Variants in BARD1 observed in about 807,000 individuals in gnomAD.
The protein encoded by BARD1 is BRCA1-associated RING domain protein 1.
A neutral mutation model predicts 77.0 loss-of-function variants in BARD1; 73 were observed. The ratio of observed to expected loss-of-function variants is 0.95; its 90% CI spans 0.79 to 1.15. The LOEUF is 1.15. BARD1 is among the 50% of genes most tolerant of loss of function. BARD1 has a pLI of 0.00. For missense variants in BARD1, 993 were observed against 938.8 expected, an observed-to-expected ratio of 1.06 and a Z score of -0.75; for synonymous variants, 384 against 338.0, an observed-to-expected ratio of 1.14 and a Z score of -1.49.
At chr2:214,788,095 C>T (rs1695352860) in intron 3 of BARD1, among the ~76,000 whole-genome samples, 1 of 151,860 alleles carries the variant, frequency 6.6e-6, no homozygotes, top group African/African-American at 2.4e-5. Context: ...ATATATGAAA[C>T]ACTATGTAAT....
At chr2:214,753,556 T>A (rs1189891523) in intron 6 of BARD1, among the ~76,000 whole-genome samples, 1 of 152,094 alleles carries the variant, frequency 6.6e-6, no homozygotes, top group Non-Finnish European at 1.5e-5. Flanking sequence ...ATTCTGTAAA[T>A]TGTATCAAAT....
At chr2:214,809,310 G>C in intron 1 of BARD1, 102 bp downstream of exon 1, 2 of 1,518,424 alleles carry the variant, frequency 1.3e-6, no homozygotes, top group Non-Finnish European at 1.8e-6. Context: ...ACTGCAGCGC[G>C]GGAACGGAAG....
In BARD1 at chr2:214,750,510, C is replaced by T. The variant is rs548901219; in HGVS notation, c.1677+1937G>A. On this transcript the variant is annotated intron_variant, in intron 7 of 10. Coordinates refer to ENST00000260947, the MANE Select transcript of BARD1 (RefSeq NM_000465.4). ...CCTCCTTGTCTCTGAGCAGCTGTTC[C>T]TTAGATTTGGGCTGCCATTCTCACT... 5.9e-5 allele frequency among the ~76,000 whole-genome samples: 9 copies of T among 152,264 alleles called. No individual in the cohort carries two copies. The East Asian group carries it at 1.4e-3, about 23-fold the overall frequency.
chr2:214,762,730 C>T (rs1000333251), intron 6 of BARD1, among the ~76,000 whole-genome samples: 1 of 152,168 alleles, frequency 6.6e-6, no homozygotes, highest in South Asian at 2.1e-4. Flanking sequence ...TATATACTTA[C>T]CAATTTCAAT....
In BARD1 at chr2:214,751,105, GTGTGTGTGTGTGTA is replaced by G. The variant is rs1234394492; in HGVS notation, c.1677+1328_1677+1341del. On this transcript the variant is annotated intron_variant, in intron 7 of 10. Transcript: ENST00000260947. The stretch of plus-strand genomic sequence containing the variant: ...TGTGTGTGTGTGTGTGTGTGTGTGT[GTGTGTGTGTGTGTA>G]TATATATATATATATATATATATAT... 2.5e-3 allele frequency among the ~76,000 whole-genome samples: 25 copies of G among 9,984 alleles called. 6 individuals carry two copies. Among genetic ancestry groups the G allele is most frequent in the South Asian group, 8.5e-3 (2 of 236 alleles). 6.5% of individuals were successfully genotyped at this position (9,984 alleles called of 152,430 possible).
At chr2:214,755,246 C>T (rs942131700) in intron 6 of BARD1, among the ~76,000 whole-genome samples, 1 of 152,052 alleles carries the variant, frequency 6.6e-6, no homozygotes, top group Non-Finnish European at 1.5e-5. Context: ...CATCACTATA[C>T]AAGGGAAGAA....
intron 2 of BARD1, among the ~76,000 whole-genome samples, chr2:214,795,593 C>T (rs1695722970): frequency 6.6e-6 from 1 of 151,968 alleles, no homozygotes; most frequent in Non-Finnish European, 1.5e-5. Context: ...CAGCTATGAA[C>T]CTATCACAAT....
rs1228336108 is a variant in BARD1 at position 214,727,402 on chromosome 2, G to A, written c.*1274C>T. On this transcript the variant is annotated 3_prime_UTR_variant, in exon 11 of 11. Coordinates refer to ENST00000260947, the MANE Select transcript of BARD1 (RefSeq NM_000465.4). ...TGTTCATGAGGAACCAAACTGGCAAGTCTCTCAGTGTCTCCTTCCCCAAGT... is the reference window on the plus strand; with the variant it reads ...TGTTCATGAGGAACCAAACTGGCAAATCTCTCAGTGTCTCCTTCCCCAAGT... 2 of 231,938 alleles carry A rather than the reference G, an allele frequency of 8.6e-6. No individual in the cohort carries two copies. The highest frequency in any genetic ancestry group is 8.5e-6 in the Non-Finnish European group (1 of 117,326). The allele number at this position is 231,938 out of a possible 1,614,324, so 14.4% of individuals were successfully genotyped here.
Position 214,781,373 on chromosome 2 carries a change from A to G in BARD1, c.501T>C (p.Pro167=). 6.2e-7 allele frequency: 1 copy of G among 1,613,714 alleles called. No individual in the cohort carries two copies. The highest frequency in any genetic ancestry group is 2.2e-5 in the East Asian group (1 of 44,860). ...VVSKASVQTQ[P]AIKKDASAQQ... ...GAGCACTTGCATCTTTTTTTATTGC[A>G]GGCTGGGTTTGCACTGAAGCTTTAC... The change falls in exon 4 of 11, where the codon CCT becomes CCC. Residue 167 remains proline (P), a synonymous_variant. Coordinates refer to ENST00000260947, the MANE Select transcript of BARD1 (RefSeq NM_000465.4).
chr2:214,764,336 G>A (rs961792672), intron 6 of BARD1, among the ~76,000 whole-genome samples: 4 of 152,166 alleles, frequency 2.6e-5, no homozygotes, highest in Non-Finnish European at 5.9e-5. Context: ...GAGAAGGGAG[G>A]AAACAGTAAG....
At chr2:214,738,104 A>T (rs1692646330) in intron 9 of BARD1, among the ~76,000 whole-genome samples, 1 of 152,176 alleles carries the variant, frequency 6.6e-6, no homozygotes, top group Non-Finnish European at 1.5e-5. Context: ...TCAAGCCACT[A>T]ACCTTATAAA....
intron 9 of BARD1, among the ~76,000 whole-genome samples, chr2:214,743,307 T>C (rs867775912): frequency 3.3e-5 from 5 of 152,230 alleles, no homozygotes; most frequent in Admixed American, 1.3e-4. Flanking sequence ...TCAGGCATTC[T>C]ACCATAAAAC....
chr2:214,806,630 T>C lies in BARD1; in HGVS notation c.158+2782A>G, dbSNP rs372185942. On this transcript the variant is annotated intron_variant, in intron 1 of 10. Coordinates refer to ENST00000260947, the MANE Select transcript of BARD1 (RefSeq NM_000465.4). ...GGCTCACGCCTGTAATCCCAGCACT[T>C]TGGGAGGCTGAAGTGGGCGGATCAC... Among the ~76,000 whole-genome samples, 12 of 152,026 alleles carry C rather than the reference T, an allele frequency of 7.9e-5. No individual in the cohort carries two copies. In the South Asian group the frequency reaches 2.3e-3, roughly 29 times the overall value.
Position 214,745,307 on chromosome 2 carries a change from T to C in BARD1, c.1811-148A>G, listed in dbSNP as rs1693051724. ...TTACACTTAAGTGTAAGACTACTTC[T>C]ATTTAGTATCTAGTTCTCTAACCTG... On this transcript the variant is annotated intron_variant, in intron 8 of 10. Coordinates refer to ENST00000260947, the MANE Select transcript of BARD1 (RefSeq NM_000465.4). The C allele has an allele frequency of 1.1e-5, 8 of 696,146 alleles. No individual in the cohort carries two copies. The East Asian group carries it at 2.2e-4, about 19-fold the overall frequency. The allele number at this position is 696,146 out of a possible 1,614,324, so 43.1% of individuals were successfully genotyped here.
intron 5 of BARD1, 63 bp downstream of exon 5, chr2:214,769,169 A>T: frequency 2.1e-6 from 3 of 1,402,356 alleles, no homozygotes; most frequent in Non-Finnish European, 3.0e-6. Context: ...AGACAACTAC[A>T]TAACTATAAA....
intron 9 of BARD1, 25 bp from the exon 10 acceptor site, chr2:214,730,533 C>T (rs773682954): frequency 5.7e-6 from 9 of 1,571,676 alleles, no homozygotes; most frequent in Admixed American, 1.7e-5. Context: ...AGAATTAAAG[C>T]AAACTAAGTA....
intron 1 of BARD1, among the ~76,000 whole-genome samples, chr2:214,804,422 T>C (rs1490822741): frequency 6.6e-6 from 1 of 152,202 alleles, no homozygotes; most frequent in African/African-American, 2.4e-5. Context: ...TTACTAAATA[T>C]ATAACTGAAG....
chr2:214,747,028 A>G (rs916016507), intron 7 of BARD1, among the ~76,000 whole-genome samples: 1 of 152,174 alleles, frequency 6.6e-6, no homozygotes, highest in Non-Finnish European at 1.5e-5. Flanking sequence ...AAACAACCCC[A>G]TCAACAAGTG....
At chr2:214,808,238 T>C (rs546417411) in intron 1 of BARD1, among the ~76,000 whole-genome samples, 2 of 152,120 alleles carry the variant, frequency 1.3e-5, no homozygotes, top group African/African-American at 2.4e-5. Flanking sequence ...TGAAACCCCA[T>C]CTGTACTAAA....
Sources: allele counts gnomAD v4.1 joint callset (sites outside exome capture counted in the v4.1 genomes callset), GRCh38; gene constraint gnomAD v4.1.1; transcripts MANE v1.5; gene names NCBI Gene and HGNC (gene_info 2026-07-23, HGNC 2026-07-21).